PDE4D: variants seen among roughly 807,000 people sequenced by gnomAD.
PDE4D encodes 3',5'-cyclic-AMP phosphodiesterase 4D.
Under a neutral mutation model 87.4 loss-of-function variants are expected in PDE4D, and 24 were observed. That is an observed-to-expected ratio of 0.27 (90% CI 0.20 to 0.39). PDE4D has a LOEUF of 0.39. PDE4D is among the 10% of genes least tolerant of loss of function. PDE4D has a pLI of 1.00. For synonymous variants in PDE4D, 384 were observed against 383.2 expected, an observed-to-expected ratio of 1.00 and a Z score of -0.02; for missense variants, 714 against 1,041.0, an observed-to-expected ratio of 0.69 and a Z score of 4.32.
chr5:59,830,846 C>A (rs1741088078), intron 1 of PDE4D, among the ~76,000 whole-genome samples: 1 of 151,936 alleles, frequency 6.6e-6, no homozygotes, highest in South Asian at 2.1e-4. Context: ...TCTTTTCTAA[C>A]TATAGAAATT....
At chr5:59,453,123 C>T (rs1799412476) in intron 1 of PDE4D, among the ~76,000 whole-genome samples, 1 of 152,062 alleles carries the variant, frequency 6.6e-6, no homozygotes, top group African/African-American at 2.4e-5. Flanking sequence ...TTATGGTGAT[C>T]TGTAATTGCT....
chr5:59,176,526 G>C (rs1783912373), intron 5 of PDE4D, among the ~76,000 whole-genome samples: 1 of 150,766 alleles, frequency 6.6e-6, no homozygotes, highest in Non-Finnish European at 1.5e-5. Flanking sequence ...CTGCACTCCA[G>C]CCTGGGCGAT....
chr5:60,012,497 C>G (rs1455699761), intron 2 of PDE4D, among the ~76,000 whole-genome samples: 1 of 152,096 alleles, frequency 6.6e-6, no homozygotes, highest in Non-Finnish European at 1.5e-5. Context: ...CAGAATGATT[C>G]AGAAAAAATC....
chr5:59,113,719 G>A (rs908260428), intron 5 of PDE4D, among the ~76,000 whole-genome samples: 4 of 152,168 alleles, frequency 2.6e-5, no homozygotes, highest in African/African-American at 4.8e-5. Flanking sequence ...TGCCAAAGGT[G>A]GACTCCTGGC....
chr5:59,065,065 TATACACACACACAC>T (rs1272600737), intron 5 of PDE4D, among the ~76,000 whole-genome samples: 17 of 10,520 alleles, frequency 1.6e-3, no homozygotes, highest in South Asian at 8.9e-3. Flanking sequence ...GTGATATATA[TATACACACACACAC>T]ACACACACAC....
At chr5:60,020,385 A>C (rs552739045) in intron 2 of PDE4D, among the ~76,000 whole-genome samples, 1 of 152,342 alleles carries the variant, frequency 6.6e-6, no homozygotes, top group East Asian at 1.9e-4. Flanking sequence ...TACACTTGTT[A>C]GATGTAGAGT....
intron 1 of PDE4D, among the ~76,000 whole-genome samples, chr5:59,883,676 T>C (rs757884800): frequency 6.6e-6 from 1 of 152,196 alleles, no homozygotes; most frequent in Non-Finnish European, 1.5e-5. Context: ...TTAATAGCAA[T>C]ATATTTTACC....
intron 1 of PDE4D, among the ~76,000 whole-genome samples, chr5:60,463,044 G>C (rs1671707481): frequency 6.6e-6 from 1 of 152,176 alleles, no homozygotes; most frequent in Non-Finnish European, 1.5e-5. Flanking sequence ...AGAACCATCA[G>C]AAACCCCTGC....
chr5:60,329,330 G>A (rs1757105165), intron 1 of PDE4D, among the ~76,000 whole-genome samples: 1 of 152,108 alleles, frequency 6.6e-6, no homozygotes, highest in Non-Finnish European at 1.5e-5. Context: ...CACTTCCCCT[G>A]CTTCGCTCAG....
At chr5:60,432,033 C>T (rs1233795647) in intron 1 of PDE4D, among the ~76,000 whole-genome samples, 5 of 152,090 alleles carry the variant, frequency 3.3e-5, no homozygotes, top group Admixed American at 1.3e-4. Flanking sequence ...TACAGTCCAG[C>T]TTCAGCTCGG....
chr5:60,373,070 A>T (rs1487617630), intron 1 of PDE4D, among the ~76,000 whole-genome samples: 1 of 152,132 alleles, frequency 6.6e-6, no homozygotes, highest in Non-Finnish European at 1.5e-5. Context: ...TGGGTGTTAC[A>T]CTCAGAACCG....
chr5:59,525,159 A>G (rs1417010038), intron 1 of PDE4D, among the ~76,000 whole-genome samples: 1 of 152,224 alleles, frequency 6.6e-6, no homozygotes, highest in Non-Finnish European at 1.5e-5. Flanking sequence ...GCACCTGGAA[A>G]AGCTGCAGAC....
chr5:59,100,576 T>C (rs1412298881), intron 5 of PDE4D, among the ~76,000 whole-genome samples: 1 of 152,164 alleles, frequency 6.6e-6, no homozygotes, highest in Non-Finnish European at 1.5e-5. Context: ...ACTCCACTCG[T>C]GTAGAAATTG....
intron 3 of PDE4D, among the ~76,000 whole-genome samples, chr5:59,927,882 T>C (rs1233695444): frequency 2.0e-5 from 3 of 152,258 alleles, no homozygotes; most frequent in South Asian, 4.1e-4. Flanking sequence ...AGTTCACATG[T>C]GGCATTTCCA....
intron 5 of PDE4D, among the ~76,000 whole-genome samples, chr5:59,100,232 T>G (rs571448936): frequency 3.3e-5 from 5 of 152,248 alleles, no homozygotes; most frequent in Non-Finnish European, 5.9e-5. Flanking sequence ...GTCTATAAAC[T>G]TTTTAATAAG....
intron 3 of PDE4D, among the ~76,000 whole-genome samples, chr5:59,980,216 T>G (rs1391872246): frequency 7.2e-5 from 11 of 152,328 alleles, no homozygotes; most frequent in Non-Finnish European, 1.5e-5. Flanking sequence ...TTCACAGTTC[T>G]GCATTACAGA....
intron 2 of PDE4D, among the ~76,000 whole-genome samples, chr5:60,161,411 G>A (rs1782464842): frequency 1.3e-5 from 2 of 152,106 alleles, no homozygotes; most frequent in Admixed American, 1.3e-4. Flanking sequence ...GCCACTGAGA[G>A]TTTAGACTAT....
rs1359131960 is a variant in PDE4D, at chr5:58,969,954, T to G, written c.*4710A>C. The G allele has an allele frequency of 6.6e-6, 1 of 152,174 alleles. No homozygotes were observed. Among genetic ancestry groups the G allele is most frequent in the Non-Finnish European group, 1.5e-5 (1 of 68,030 alleles). The allele number at this position is 152,174 out of a possible 1,614,324, so 9.4% of individuals were successfully genotyped here. A position where few individuals can be genotyped will look rare whatever the true frequency, so the allele number is the denominator to read the frequency against. On this transcript the variant is annotated 3_prime_UTR_variant, in exon 15 of 15. Coordinates refer to ENST00000340635, the MANE Select transcript of PDE4D (RefSeq NM_001104631.2). Reference sequence around the variant, plus strand: ...TTTATTTGGTTATGAATATCAGTACTAACTTATGATGTCACTATCCTTTCA... The same window carrying G: ...TTTATTTGGTTATGAATATCAGTACGAACTTATGATGTCACTATCCTTTCA...
chr5:60,049,912 C>A (rs1266382292), intron 2 of PDE4D, among the ~76,000 whole-genome samples: 1 of 152,216 alleles, frequency 6.6e-6, no homozygotes, highest in Non-Finnish European at 1.5e-5. Context: ...AGCTTCCTGG[C>A]TGCTTTGTTT....
Sources: gnomAD v4.1 joint callset for allele counts (sites outside exome capture counted in the v4.1 genomes callset) on GRCh38, gnomAD v4.1.1 for gene constraint, MANE v1.5 for transcripts, NCBI Gene and HGNC (gene_info 2026-07-23, HGNC 2026-07-21) for gene names.